Variants in PLCH1 observed in about 807,000 individuals in gnomAD.
PLCH1 encodes the protein 1-phosphatidylinositol 4,5-bisphosphate phosphodiesterase eta-1.
A neutral mutation model predicts 126.7 loss-of-function variants in PLCH1; 60 were observed. That is an observed-to-expected ratio of 0.47 (90% CI 0.38 to 0.59). The LOEUF is 0.59. Among genes scored for constraint, PLCH1 ranks in the 20% least tolerant of loss-of-function variants. The pLI, the probability that PLCH1 is intolerant of heterozygous loss-of-function variation, is 0.00. For missense variants in PLCH1, 1,723 were observed against 2,040.0 expected, an observed-to-expected ratio of 0.84 and a Z score of 2.99; for synonymous variants, 719 against 734.9, an observed-to-expected ratio of 0.98 and a Z score of 0.35.
chr3:155,535,867 C>T (rs545183285), intron 10 of PLCH1, among the ~76,000 whole-genome samples: 27 of 152,298 alleles, frequency 1.8e-4, no homozygotes, highest in African/African-American at 6.3e-4. Context: ...CTAGCACAAC[C>T]AGCATTCGAG....
intron 2 of PLCH1, among the ~76,000 whole-genome samples, chr3:155,665,653 C>A (rs78848365): frequency 6.6e-6 from 1 of 152,166 alleles, no homozygotes; most frequent in African/African-American, 2.4e-5. Flanking sequence ...GAGACCACCC[C>A]TAGAGTCTGA....
rs1165428296 is a variant in PLCH1 at position 155,733,865 on chromosome 3, TCTGA to T, written c.-41+10971_-41+10974del. 4.2e-5 allele frequency among the ~76,000 whole-genome samples: 6 copies of T among 143,686 alleles called. No individual in the cohort carries two copies. In the East Asian group the frequency reaches 1.2e-3, roughly 29 times the overall value. The allele number at this position is 143,686 out of a possible 152,430, so 94.3% of individuals were successfully genotyped here. A position where few individuals can be genotyped will look rare whatever the true frequency, so the allele number is the denominator to read the frequency against. On this transcript the variant is annotated intron_variant, in intron 1 of 22. Coordinates refer to ENST00000460012, the MANE Select transcript of PLCH1 (RefSeq NM_014996.4). ...AACTGCCAGAAAACAAATAACCTGA[TCTGA>T]AGATAGGCAAAGGACCTAGATAGAT...
At chr3:155,625,909 A>G (rs1343054816) in intron 2 of PLCH1, among the ~76,000 whole-genome samples, 2 of 152,126 alleles carry the variant, frequency 1.3e-5, no homozygotes, top group African/African-American at 4.8e-5. Flanking sequence ...AAATCATTCT[A>G]CTATAGATAC....
intron 21 of PLCH1, among the ~76,000 whole-genome samples, chr3:155,487,552 C>G (rs1229353886): frequency 2.0e-5 from 3 of 152,154 alleles, no homozygotes; most frequent in Non-Finnish European, 4.4e-5. Flanking sequence ...AAAATCCATT[C>G]ACAATTTTTA....
chr3:155,550,746 T>C (rs534752401), intron 9 of PLCH1, among the ~76,000 whole-genome samples: 88 of 152,362 alleles, frequency 5.8e-4, no homozygotes, highest in African/African-American at 2.1e-3. Flanking sequence ...TAGTTTTCCG[T>C]TACATGTCTT....
intron 4 of PLCH1, among the ~76,000 whole-genome samples, chr3:155,591,070 T>C (rs1732102429): frequency 6.6e-6 from 1 of 152,220 alleles, no homozygotes; most frequent in African/African-American, 2.4e-5. Flanking sequence ...TCGAAAACTT[T>C]TAACCAACAA....
chr3:155,460,982 G>A (rs1712703640), intron 21 of PLCH1, among the ~76,000 whole-genome samples: 2 of 152,132 alleles, frequency 1.3e-5, no homozygotes, highest in East Asian at 1.9e-4. Flanking sequence ...TTATTTTGCT[G>A]TATGCTTTAT....
At position 155,592,474 on chromosome 3, in the gene PLCH1, G is replaced by A. The variant is rs1012446856; in HGVS notation, c.470+1467C>T. Among the ~76,000 whole-genome samples the A allele has an allele frequency of 1.6e-3, 185 of 119,256 alleles. 3 individuals carry two copies. Among genetic ancestry groups the A allele is most frequent in the African/African-American group, 5.4e-3 (180 of 33,358 alleles). 78.2% of individuals were successfully genotyped at this position (119,256 alleles called of 152,430 possible). On this transcript the variant is annotated intron_variant, in intron 4 of 22. Coordinates refer to ENST00000460012, the MANE Select transcript of PLCH1 (RefSeq NM_014996.4). ...TGTGCCACTGCACTCCAGCCTGGAC[G>A]ACAGAGCAAGACTCCATCTCCAAAA...
intron 2 of PLCH1, among the ~76,000 whole-genome samples, chr3:155,672,223 C>T (rs1743556986): frequency 6.6e-6 from 1 of 152,108 alleles, no homozygotes; most frequent in Non-Finnish European, 1.5e-5. Flanking sequence ...GTAATTCCAA[C>T]CAAAACCCCA....
rs150977161 is a variant in PLCH1, at chr3:155,577,006, G to A, written c.771+6466C>T. ...CAGAAATAGAAGAGATGGACACTACGTTTGGTGGCATATTTTTTAATCTTT... is the reference window on the plus strand; with the variant it reads ...CAGAAATAGAAGAGATGGACACTACATTTGGTGGCATATTTTTTAATCTTT... On this transcript the variant is annotated intron_variant, in intron 6 of 22. Transcript: ENST00000460012. Among the ~76,000 whole-genome samples, 466 of 152,264 alleles carry A rather than the reference G, an allele frequency of 3.1e-3. 2 individuals carry two copies. The highest frequency in any genetic ancestry group is 0.02 in the South Asian group (98 of 4,822).
At chr3:155,491,378 C>T (rs1359276087) in intron 18 of PLCH1, among the ~76,000 whole-genome samples, 1 of 152,124 alleles carries the variant, frequency 6.6e-6, no homozygotes. Context: ...ATCCTCCCAC[C>T]TCAGCCTCCC....
chr3:155,580,511 T>C (rs1018780450), intron 6 of PLCH1, among the ~76,000 whole-genome samples: 1 of 152,272 alleles, frequency 6.6e-6, no homozygotes, highest in South Asian at 2.1e-4. Flanking sequence ...GAATGTCAAA[T>C]AGTTTTTAGA....
chr3:155,619,939 A>G (rs186193811), intron 2 of PLCH1, among the ~76,000 whole-genome samples: 78 of 152,362 alleles, frequency 5.1e-4, no homozygotes, highest in Middle Eastern at 3.4e-3. Flanking sequence ...CTTTTCAAAA[A>G]TCATTTGTCC....
chr3:155,540,277 C>T (rs1329169310), intron 10 of PLCH1, among the ~76,000 whole-genome samples: 1 of 152,092 alleles, frequency 6.6e-6, no homozygotes, highest in Non-Finnish European at 1.5e-5. Context: ...CACCTGAAAC[C>T]ATATACATTC....
At position 155,586,211 on chromosome 3, in the gene PLCH1, G is replaced by T. The variant is rs745765949; in HGVS notation, c.471-17C>A. On this transcript the variant is annotated splice_polypyrimidine_tract_variant and intron_variant, in intron 4 of 22. Coordinates refer to ENST00000460012, the MANE Select transcript of PLCH1 (RefSeq NM_014996.4). The stretch of plus-strand genomic sequence containing the variant: ...TTCACCCATGTGCAGAAAGGTCAAA[G>T]AAAACACCTGTGCTCTCATCAAAAT... 2 of 1,613,790 alleles carry T rather than the reference G, an allele frequency of 1.2e-6. No homozygotes were observed. The highest frequency in any genetic ancestry group is 1.7e-6 in the Non-Finnish European group (2 of 1,179,770).
chr3:155,570,126 T>C (rs751240857), intron 6 of PLCH1, among the ~76,000 whole-genome samples: 15 of 152,180 alleles, frequency 9.9e-5, no homozygotes, highest in Non-Finnish European at 1.5e-4. Context: ...TAAAACCCCA[T>C]AATAATGAGA....
At chr3:155,471,720 A>T (rs546531414) in intron 21 of PLCH1, among the ~76,000 whole-genome samples, 1 of 151,546 alleles carries the variant, frequency 6.6e-6, no homozygotes, top group South Asian at 2.1e-4. Context: ...AAATTATAAC[A>T]AACTATCTCT....
At chr3:155,689,815 T>A (rs1346759350) in intron 2 of PLCH1, among the ~76,000 whole-genome samples, 2 of 151,986 alleles carry the variant, frequency 1.3e-5, no homozygotes, top group African/African-American at 2.4e-5. Flanking sequence ...ATCTAAAAGT[T>A]ATTGGCCTTA....
rs566984904 is a variant in PLCH1 at position 155,594,369 on chromosome 3, G to A, written c.227-185C>T. ...ACAGATTGCCTGAGCTCAGGAGTTCGAGACCAGCCTGGGCAACATGGTGAA... is the reference window on the plus strand; with the variant it reads ...ACAGATTGCCTGAGCTCAGGAGTTCAAGACCAGCCTGGGCAACATGGTGAA... On this transcript the variant is annotated intron_variant, in intron 3 of 22. Transcript: ENST00000460012. Among the ~76,000 whole-genome samples, 605 of 151,960 alleles carry A rather than the reference G, an allele frequency of 4.0e-3. 5 individuals carry two copies. The highest frequency in any genetic ancestry group is 0.014 in the African/African-American group (577 of 41,440).
Sources: gnomAD v4.1 joint callset for allele counts (sites outside exome capture counted in the v4.1 genomes callset) on GRCh38, gnomAD v4.1.1 for gene constraint, MANE v1.5 for transcripts, NCBI Gene and HGNC (gene_info 2026-07-23, HGNC 2026-07-21) for gene names.